Variants in HECW1 observed in about 807,000 individuals in gnomAD.
The protein encoded by HECW1 is E3 ubiquitin-protein ligase HECW1.
Under a neutral mutation model 182.3 loss-of-function variants are expected in HECW1, and 61 were observed. The ratio of observed to expected loss-of-function variants is 0.33; its 90% CI spans 0.27 to 0.41. The LOEUF (loss-of-function observed/expected upper bound fraction) is 0.41. Ranked by LOEUF, HECW1 falls within the 10% of genes least tolerant of loss-of-function variation. The pLI is 1.00. For synonymous variants in HECW1, 859 were observed against 832.6 expected, an observed-to-expected ratio of 1.03 and a Z score of -0.55; for missense variants, 1,739 against 2,108.9, an observed-to-expected ratio of 0.82 and a Z score of 3.44.
At chr7:43,396,421 A>G (rs1226480934) in intron 6 of HECW1, among the ~76,000 whole-genome samples, 1 of 152,222 alleles carries the variant, frequency 6.6e-6, no homozygotes, top group African/African-American at 2.4e-5. Context: ...ACTTTGCTAA[A>G]TGGAAATACA....
intron 2 of HECW1, among the ~76,000 whole-genome samples, chr7:43,171,402 T>C (rs765112134): frequency 2.4e-4 from 37 of 152,192 alleles, no homozygotes; most frequent in Non-Finnish European, 4.7e-4. Flanking sequence ...GCTATTTCTT[T>C]AGTTCTTGCT....
intron 3 of HECW1, among the ~76,000 whole-genome samples, chr7:43,248,369 C>T (rs1310708075): frequency 6.6e-6 from 1 of 152,044 alleles, no homozygotes; most frequent in Non-Finnish European, 1.5e-5. Flanking sequence ...AAACTGAAAA[C>T]GATCCTGAGG....
chr7:43,296,925 C>T (rs1371894816), intron 3 of HECW1, among the ~76,000 whole-genome samples: 1 of 152,140 alleles, frequency 6.6e-6, no homozygotes, highest in East Asian at 1.9e-4. Flanking sequence ...ACTATACCTC[C>T]CCTTTGCAGC....
At chr7:43,127,851 G>T (rs962822945) in intron 2 of HECW1, among the ~76,000 whole-genome samples, 1 of 151,504 alleles carries the variant, frequency 6.6e-6, no homozygotes, top group African/African-American at 2.4e-5. Context: ...TAAGATCATT[G>T]ATGAAGGTGG....
chr7:43,159,319 G>A (rs1344869073), intron 2 of HECW1, among the ~76,000 whole-genome samples: 1 of 151,696 alleles, frequency 6.6e-6, no homozygotes, highest in Non-Finnish European at 1.5e-5. Context: ...TTCTCCTAAT[G>A]CTATCCTTCC....
chr7:43,488,489 A>AAAGAAAGAAAG (rs1491028200), intron 17 of HECW1, among the ~76,000 whole-genome samples: 2 of 110,102 alleles, frequency 1.8e-5, no homozygotes, highest in African/African-American at 7.3e-5. Flanking sequence ...AGAAAGAAAG[A>AAAGAAAGAAAG]GAAAGAAAGA....
intron 3 of HECW1, among the ~76,000 whole-genome samples, chr7:43,259,717 GAAAGA>G: frequency 6.6e-6 from 1 of 152,140 alleles, no homozygotes; most frequent in Non-Finnish European, 1.5e-5. Flanking sequence ...AACAGAAACT[GAAAGA>G]AAAGATTAGT....
intron 4 of HECW1, 45 bp downstream of exon 4, chr7:43,312,132 A>G: frequency 6.8e-7 from 1 of 1,472,620 alleles, no homozygotes; most frequent in Non-Finnish European, 9.4e-7. Context: ...TCACTTTTAC[A>G]TATGCTGTCA....
rs142279539 is a variant in HECW1, at chr7:43,508,073, T to C, written c.3808T>C (p.Tyr1270His). 8.1e-6 allele frequency: 13 copies of C among 1,614,090 alleles called. No individual in the cohort carries two copies. In the African/African-American group the frequency reaches 1.5e-4, roughly 18 times the overall value. ...GGGAACCTTCAATCAGGTGATGGCC[T>C]ATTCGCGGAAAGAGCTCCAGCGAAA... is the stretch of plus-strand genomic sequence containing the variant. ...LEGTFNQVMA[Y>H]SRKELQRNKL... Residue 1270 changes from tyrosine to histidine, a missense_variant, in exon 23 of 30, where the codon TAT becomes CAT. Coordinates refer to ENST00000395891, the MANE Select transcript of HECW1 (RefSeq NM_015052.5).
In HECW1 at chr7:43,281,972, G is replaced by A. The variant is rs79549004; in HGVS notation, c.28-29791G>A. ...GACACTCTCTCCATGAGCCTTTTTCGAGTCCCTCATCCAGCTTAACTGTGT... is the reference window on the plus strand; with the variant it reads ...GACACTCTCTCCATGAGCCTTTTTCAAGTCCCTCATCCAGCTTAACTGTGT... On this transcript the variant is annotated intron_variant, in intron 3 of 29. Transcript: ENST00000395891. 1.3e-4 allele frequency among the ~76,000 whole-genome samples: 19 copies of A among 151,940 alleles called. No individual in the cohort carries two copies. The East Asian group carries it at 1.7e-3, about 14-fold the overall frequency.
chr7:43,226,492 C>T (rs1383926564), intron 2 of HECW1, among the ~76,000 whole-genome samples: 1 of 152,198 alleles, frequency 6.6e-6, no homozygotes, highest in Non-Finnish European at 1.5e-5. Context: ...AAATGCTTTA[C>T]TTTTTTCATC....
At chr7:43,332,612 A>G (rs1206803516) in intron 5 of HECW1, among the ~76,000 whole-genome samples, 4 of 152,218 alleles carry the variant, frequency 2.6e-5, no homozygotes, top group African/African-American at 9.7e-5. Flanking sequence ...CCAATTACAC[A>G]GACAGACACA....
chr7:43,263,716 A>G (rs1003969890), intron 3 of HECW1, among the ~76,000 whole-genome samples: 1 of 152,122 alleles, frequency 6.6e-6, no homozygotes, highest in Non-Finnish European at 1.5e-5. Context: ...ACAGAGAAGA[A>G]GGGAGGGAGG....
intron 3 of HECW1, among the ~76,000 whole-genome samples, chr7:43,284,364 A>G (rs1804330331): frequency 6.6e-6 from 1 of 152,116 alleles, no homozygotes; most frequent in Non-Finnish European, 1.5e-5. Context: ...TGGCGAGAGC[A>G]CTTAAAATCT....
In HECW1 at chr7:43,407,545, T is replaced by G; in HGVS notation, c.632-17T>G. The G allele has an allele frequency of 6.3e-7, 1 of 1,580,776 alleles. No homozygotes were observed. The highest frequency in any genetic ancestry group is 8.7e-7 in the Non-Finnish European group (1 of 1,155,268). On this transcript the variant is annotated splice_polypyrimidine_tract_variant and intron_variant, in intron 7 of 29. Coordinates refer to ENST00000395891, the MANE Select transcript of HECW1 (RefSeq NM_015052.5). Reference sequence around the variant, plus strand: ...TCCCTAAAACATATTTAAATTAAAGTATCCTTTATTTTATAGATTTCCAAG... The same window carrying G: ...TCCCTAAAACATATTTAAATTAAAGGATCCTTTATTTTATAGATTTCCAAG...
chr7:43,261,270 CT>C (rs916104251), intron 3 of HECW1, among the ~76,000 whole-genome samples: 12 of 152,282 alleles, frequency 7.9e-5, no homozygotes, highest in Non-Finnish European at 1.2e-4. Flanking sequence ...AAGAAATTGC[CT>C]TTTTTTCCCC....
rs571761414 is a variant in HECW1 at position 43,520,064 on chromosome 7, A to G, written c.4019+10943A>G. On this transcript the variant is annotated intron_variant, in intron 24 of 29. Transcript: ENST00000395891. ...TCTTACAGCCAAGATGCCATTTGGT[A>G]AAAATGTCTTAGCTTAATTATTAGT... Among the ~76,000 whole-genome samples the G allele has an allele frequency of 7.9e-5, 12 of 152,300 alleles. No individual in the cohort carries two copies. The South Asian group carries it at 2.5e-3, about 32-fold the overall frequency.
chr7:43,276,826 A>T (rs546680948), intron 3 of HECW1, among the ~76,000 whole-genome samples: 1 of 152,310 alleles, frequency 6.6e-6, no homozygotes, highest in African/African-American at 2.4e-5. Context: ...CTGTTTTCTT[A>T]GTTTTACTTT....
At chr7:43,183,009 C>T (rs894340648) in intron 2 of HECW1, among the ~76,000 whole-genome samples, 2 of 152,098 alleles carry the variant, frequency 1.3e-5, no homozygotes, top group African/African-American at 2.4e-5. Flanking sequence ...AGAAGTACTA[C>T]TGACTTTTAT....
Sources: gnomAD v4.1 joint callset for allele counts (sites outside exome capture counted in the v4.1 genomes callset) on GRCh38, gnomAD v4.1.1 for gene constraint, MANE v1.5 for transcripts, NCBI Gene and HGNC (gene_info 2026-07-23, HGNC 2026-07-21) for gene names.